The following CNTN4 variants were observed in gnomAD, a reference collection of about 807,000 sequenced individuals.
The protein encoded by CNTN4 is contactin 4.
A neutral mutation model predicts 122.5 loss-of-function variants in CNTN4; 77 were observed. The observed-to-expected ratio is 0.63, with a 90% CI of 0.52 to 0.76. The LOEUF (loss-of-function observed/expected upper bound fraction) is 0.76. CNTN4 is among the 30% of genes least tolerant of loss of function. The probability of loss-of-function intolerance (pLI) is 0.00; values close to 1 mark genes in which losing one functional copy is unlikely to be tolerated. For synonymous variants in CNTN4, 512 were observed against 447.0 expected (o/e 1.15, Z -1.83); for missense variants, 1,256 against 1,259.1 (o/e 1.00, Z 0.04).
intron 6 of CNTN4, among the ~76,000 whole-genome samples, chr3:2,815,023 G>C (rs747170909): frequency 5.9e-5 from 9 of 152,124 alleles, no homozygotes; most frequent in Non-Finnish European, 1.3e-4. Context: ...CATTACCCAA[G>C]TACCAAGGCT....
At chr3:2,203,602 T>G (rs1456319480) in intron 2 of CNTN4, among the ~76,000 whole-genome samples, 1 of 152,096 alleles carries the variant, frequency 6.6e-6, no homozygotes, top group African/African-American at 2.4e-5. Flanking sequence ...TTAGAGAAAA[T>G]GTACCTGCTC....
intron 14 of CNTN4, 102 bp from the exon 15 acceptor site, chr3:3,026,000 A>G: frequency 7.7e-6 from 9 of 1,171,446 alleles, no homozygotes; most frequent in South Asian, 1.3e-5. Context: ...AATAAAGCAA[A>G]ATTACTTAGT....
intron 3 of CNTN4, among the ~76,000 whole-genome samples, chr3:2,449,203 GATC>G (rs2048734511): frequency 6.6e-6 from 1 of 152,156 alleles, no homozygotes; most frequent in Non-Finnish European, 1.5e-5. Flanking sequence ...CTATTTTCGA[GATC>G]ATTATTTGAA....
intron 2 of CNTN4, among the ~76,000 whole-genome samples, chr3:2,296,036 T>G (rs934372944): frequency 5.9e-5 from 9 of 152,196 alleles, no homozygotes; most frequent in South Asian, 4.1e-4. Context: ...CATTGATCTA[T>G]ATCTCTGTTT....
At chr3:3,050,959 C>G (rs907701196) in intron 23 of CNTN4, among the ~76,000 whole-genome samples, 2 of 152,150 alleles carry the variant, frequency 1.3e-5, no homozygotes, top group African/African-American at 2.4e-5. Flanking sequence ...CAAGCTTGTA[C>G]AGCCCACAGC....
At chr3:2,876,601 TCTC>T (rs941887723) in intron 8 of CNTN4, among the ~76,000 whole-genome samples, 1 of 152,192 alleles carries the variant, frequency 6.6e-6, no homozygotes, top group Non-Finnish European at 1.5e-5. Flanking sequence ...TGCAAACTGG[TCTC>T]CTTCTGCCAA....
intron 2 of CNTN4, among the ~76,000 whole-genome samples, chr3:2,212,714 T>C (rs184916303): frequency 4.4e-4 from 67 of 152,340 alleles, no homozygotes; most frequent in African/African-American, 1.6e-3. Flanking sequence ...TAGTTTAAAA[T>C]AGTGTTTTTT....
intron 2 of CNTN4, among the ~76,000 whole-genome samples, chr3:2,105,446 C>G (rs183379247): frequency 6.6e-6 from 1 of 152,102 alleles, no homozygotes; most frequent in African/African-American, 2.4e-5. Flanking sequence ...CACTCAGTTC[C>G]GCATGGCCTC....
At chr3:2,736,958 A>G (rs970569728) in intron 5 of CNTN4, among the ~76,000 whole-genome samples, 1 of 151,744 alleles carries the variant, frequency 6.6e-6, no homozygotes, top group Non-Finnish European at 1.5e-5. Flanking sequence ...TAATCTTTGT[A>G]TTTTTAGCAG....
At chr3:2,869,765 G>T (rs4491886) in intron 8 of CNTN4, among the ~76,000 whole-genome samples, 109,010 of 151,482 alleles carry the variant, frequency 0.72, 39,729 homozygotes, top group Middle Eastern at 0.82. Context: ...TTGCCACATG[G>T]CAAATGTTAA....
At position 2,639,321 on chromosome 3, in the gene CNTN4, T is replaced by G. The variant is rs568339395; in HGVS notation, c.55+67763T>G. On this transcript the variant is annotated intron_variant, in intron 4 of 24. Coordinates refer to ENST00000418658, the MANE Select transcript of CNTN4 (RefSeq NM_175607.3). ...TCCACTGGTGCCCTGCCCCACCTGT[T>G]AACATGCCAGGCTTGCACCTGCCAT... Among the ~76,000 whole-genome samples the G allele has an allele frequency of 2.0e-5, 3 of 152,316 alleles. No homozygotes were observed. The East Asian group carries it at 5.8e-4, about 29-fold the overall frequency.
intron 12 of CNTN4, 85 bp from the exon 13 acceptor site, chr3:2,925,544 C>CA (rs1476741455): frequency 6.9e-7 from 1 of 1,457,022 alleles, no homozygotes; most frequent in Non-Finnish European, 9.5e-7. Context: ...GACTCTGTCT[C>CA]AAAAAAGAAA....
intron 3 of CNTN4, among the ~76,000 whole-genome samples, chr3:2,428,661 G>A (rs1365326652): frequency 1.3e-5 from 2 of 152,198 alleles, no homozygotes; most frequent in East Asian, 3.9e-4. Flanking sequence ...ATATCCTGCA[G>A]AGTGGTTTTC....
chr3:3,055,138 T>TA (rs1382658852), intron 24 of CNTN4, among the ~76,000 whole-genome samples: 1 of 152,168 alleles, frequency 6.6e-6, no homozygotes, highest in Non-Finnish European at 1.5e-5. Flanking sequence ...ATTTTTGTCT[T>TA]AAAAGGGGGA....
intron 4 of CNTN4, among the ~76,000 whole-genome samples, chr3:2,717,109 C>G (rs1303924014): frequency 6.6e-6 from 1 of 152,074 alleles, no homozygotes; most frequent in African/African-American, 2.4e-5. Context: ...CCTGTGTTTT[C>G]AATTCTCTTG....
intron 2 of CNTN4, among the ~76,000 whole-genome samples, chr3:2,276,063 T>TTA (rs2041497846): frequency 6.6e-6 from 1 of 152,136 alleles, no homozygotes; most frequent in Non-Finnish European, 1.5e-5. Flanking sequence ...CTATAAACTT[T>TTA]TATATATTGA....
chr3:2,402,240 C>T (rs183359907), intron 3 of CNTN4, among the ~76,000 whole-genome samples: 9 of 152,038 alleles, frequency 5.9e-5, no homozygotes, highest in Non-Finnish European at 1.2e-4. Context: ...GCTGAACTCC[C>T]ACCTCTTTTC....
chr3:3,029,044 G>A (rs144356268), intron 15 of CNTN4, among the ~76,000 whole-genome samples: 302 of 152,238 alleles, frequency 2.0e-3, no homozygotes, highest in Non-Finnish European at 3.1e-3. Context: ...TCTACCAAAG[G>A]ATGACTGTAA....
intron 4 of CNTN4, among the ~76,000 whole-genome samples, chr3:2,607,771 A>G (rs779385018): frequency 6.6e-6 from 1 of 152,172 alleles, no homozygotes; most frequent in Non-Finnish European, 1.5e-5. Context: ...AAATAGATAC[A>G]TATGTTTTTA....
Sources: gnomAD v4.1 joint callset for allele counts (sites outside exome capture counted in the v4.1 genomes callset) on GRCh38, gnomAD v4.1.1 for gene constraint, MANE v1.5 for transcripts, NCBI Gene and HGNC (gene_info 2026-07-23, HGNC 2026-07-21) for gene names.